The following SLC2A12 variants were observed in gnomAD, a reference collection of about 807,000 sequenced individuals.
The protein encoded by SLC2A12 is solute carrier family 2, facilitated glucose transporter member 12.
In SLC2A12, 23 loss-of-function variants were observed where a neutral mutation model predicts 41.8. The observed-to-expected ratio is 0.55, with a 90% CI of 0.40 to 0.78. The LOEUF (loss-of-function observed/expected upper bound fraction) is 0.78, where lower values mean the gene tolerates loss of function less well. Among genes scored for constraint, SLC2A12 ranks in the 30% least tolerant of loss-of-function variants. The probability of loss-of-function intolerance (pLI) is 0.00; values close to 1 mark genes in which losing one functional copy is unlikely to be tolerated. For missense variants in SLC2A12, 654 were observed against 745.6 expected (o/e 0.88, Z 1.43); for synonymous variants, 295 against 285.9 (o/e 1.03, Z -0.32).
chr6:134,037,513 C>T (rs1230808553), intron 1 of SLC2A12, among the ~76,000 whole-genome samples: 1 of 151,970 alleles, frequency 6.6e-6, no homozygotes, highest in Admixed American at 6.6e-5. Context: ...CACCACCATA[C>T]CTGGGTAATT....
rs1182572567 is a variant in SLC2A12, at chr6:134,006,176, G to GAAAAAAAAAAAAAAA, written c.1567+621_1567+635dup. Among the ~76,000 whole-genome samples, 16 of 61,772 alleles carry GAAAAAAAAAAAAAAA rather than the reference G, an allele frequency of 2.6e-4. 1 individual carries two copies. Among genetic ancestry groups the GAAAAAAAAAAAAAAA allele is most frequent in the Admixed American group, 6.6e-4 (3 of 4,524 alleles). 40.5% of individuals were successfully genotyped at this position (61,772 alleles called of 152,430 possible). On this transcript the variant is annotated intron_variant, in intron 3 of 4. Transcript: ENST00000275230. ...CCTGGGCAACAGAGAGAGACTATCGGAAAAAAAAAAAAAAAACAAAAAAAA... is the reference window on the plus strand; with the variant it reads ...CCTGGGCAACAGAGAGAGACTATCGGAAAAAAAAAAAAAAAAAAAAAAAAAAAAAAACAAAAAAAA...
chr6:134,028,496 G>C lies in SLC2A12; in HGVS notation c.1329C>G (p.Ser443Arg). ...TSASLLNAGL[S>R]HTEYQIVTDP... ...CTGTGACTATCTGGTATTCAGTGTG[G>C]CTTAATCCAGCATTTAGCAAGGATG... is the stretch of plus-strand genomic sequence containing the variant. The change falls in exon 2 of 5, where the codon AGC becomes AGG. Residue 443 changes from serine (S) to arginine (R), a missense_variant. Ser to Arg is a moderately radical substitution (Grantham distance 110). Around this residue, in one of 3 missense-constraint regions of SLC2A12, gnomAD observed 411 missense variants for 412.1 expected, o/e 1.00. Coordinates refer to ENST00000275230, the MANE Select transcript of SLC2A12 (RefSeq NM_145176.3). 1 of 1,614,160 alleles carries C rather than the reference G, an allele frequency of 6.2e-7. No homozygotes were observed.
chr6:134,048,542 C>T (rs1773613203), intron 1 of SLC2A12, among the ~76,000 whole-genome samples: 1 of 152,174 alleles, frequency 6.6e-6, no homozygotes, highest in Non-Finnish European at 1.5e-5. Flanking sequence ...TTACTCCAGC[C>T]TAGGTGACAG....
At chr6:134,003,034 GAAC>G (rs1266309108) in intron 3 of SLC2A12, among the ~76,000 whole-genome samples, 2 of 152,154 alleles carry the variant, frequency 1.3e-5, no homozygotes, top group African/African-American at 4.8e-5. Flanking sequence ...AGTCAACTAC[GAAC>G]AACAAGATTT....
At chr6:134,036,129 C>T (rs900753708) in intron 1 of SLC2A12, among the ~76,000 whole-genome samples, 7 of 152,204 alleles carry the variant, frequency 4.6e-5, no homozygotes, top group African/African-American at 1.2e-4. Context: ...CTGACTAAAT[C>T]CTACAGCCAG....
rs1418721089 is a variant in SLC2A12 at position 134,028,955 on chromosome 6, T to C, written c.870A>G (p.Gln290=). 5.0e-6 allele frequency: 8 copies of C among 1,614,262 alleles called. No individual in the cohort carries two copies. The South Asian group carries it at 6.6e-5, about 13-fold the overall frequency. Residue 290 remains glutamine (Q), a synonymous_variant, in exon 2 of 5, where the codon CAA becomes CAG. Transcript: ENST00000275230. ...ACAATATGTTTGGTTGGCCAGTGAT[T>C]TGTACAAAAAATACTAGTGTTAGTC... The part of the protein sequence containing the change: ...MIGLTLVFFV[Q]ITGQPNILFY...
chr6:133,998,686 G>A (rs529551565), intron 4 of SLC2A12, among the ~76,000 whole-genome samples: 126 of 152,274 alleles, frequency 8.3e-4, no homozygotes, highest in African/African-American at 2.9e-3. Context: ...GACTACAGGC[G>A]CAAGCCACCA....
At chr6:134,043,944 G>A (rs1455985560) in intron 1 of SLC2A12, among the ~76,000 whole-genome samples, 1 of 152,108 alleles carries the variant, frequency 6.6e-6, no homozygotes. Context: ...GCCAGCTTCA[G>A]ATTCCTTTGT....
intron 1 of SLC2A12, among the ~76,000 whole-genome samples, chr6:134,038,985 G>C (rs145430143): frequency 6.6e-6 from 1 of 152,060 alleles, no homozygotes. Flanking sequence ...GATTACAGGC[G>C]TGAGCTATCG....
chr6:134,011,195 G>A (rs144888810), intron 2 of SLC2A12, among the ~76,000 whole-genome samples: 240 of 152,190 alleles, frequency 1.6e-3, no homozygotes, highest in African/African-American at 5.4e-3. Flanking sequence ...CTTTGTAAGC[G>A]GCACACCTAC....
Position 133,988,100 on chromosome 6 carries a change from C to G in SLC2A12, c.*3055G>C, listed in dbSNP as rs2114401917. 1 of 152,156 alleles carries G rather than the reference C, an allele frequency of 6.6e-6. No homozygotes were observed. The highest frequency in any genetic ancestry group is 1.9e-4 in the East Asian group (1 of 5,194). The allele number at this position is 152,156 out of a possible 1,614,324, so 9.4% of individuals were successfully genotyped here. A position where few individuals can be genotyped will look rare whatever the true frequency, so the allele number is the denominator to read the frequency against. On this transcript the variant is annotated 3_prime_UTR_variant, in exon 5 of 5. Coordinates refer to ENST00000275230, the MANE Select transcript of SLC2A12 (RefSeq NM_145176.3). Reference sequence around the variant, plus strand: ...TTAACAAGAAGTGCCCATAAGCTGCCTCTGTGCCACAGTGTAATTATCAAA... The same window carrying G: ...TTAACAAGAAGTGCCCATAAGCTGCGTCTGTGCCACAGTGTAATTATCAAA...
intron 1 of SLC2A12, among the ~76,000 whole-genome samples, chr6:134,050,221 T>C (rs897888552): frequency 1.3e-5 from 2 of 152,208 alleles, no homozygotes; most frequent in African/African-American, 4.8e-5. Context: ...GTATAATTGC[T>C]TTTGGGTGCC....
chr6:133,997,787 C>T (rs1321209226), intron 4 of SLC2A12, among the ~76,000 whole-genome samples: 3 of 152,096 alleles, frequency 2.0e-5, no homozygotes, highest in Non-Finnish European at 4.4e-5. Flanking sequence ...CACATGTAGC[C>T]TCTGATTCTA....
rs1773705235 is a variant in SLC2A12 at position 134,052,469 on chromosome 6, A to C, written c.12T>G (p.Val4=). 6.2e-7 allele frequency: 1 copy of C among 1,613,140 alleles called. No homozygotes were observed. The highest frequency in any genetic ancestry group is 1.7e-5 in the Admixed American group (1 of 60,012). Residue 4 remains valine, a synonymous_variant, in exon 1 of 5, where the codon GTT becomes GTG. Coordinates refer to ENST00000275230, the MANE Select transcript of SLC2A12 (RefSeq NM_145176.3). MVP[V]ENTEGPSLLN... ...GCAGACTGGGGCCCTCGGTGTTTTC[A>C]ACAGGTACCATGGTCACGTAGAAGT... is the stretch of plus-strand genomic sequence containing the variant.
intron 1 of SLC2A12, among the ~76,000 whole-genome samples, chr6:134,050,779 T>C (rs1023497815): frequency 6.6e-6 from 1 of 152,186 alleles, no homozygotes; most frequent in African/African-American, 2.4e-5. Flanking sequence ...ACTTTGCAAC[T>C]CTTTCCCTTT....
chr6:134,022,422 T>C (rs1480804436), intron 2 of SLC2A12, among the ~76,000 whole-genome samples: 1 of 151,914 alleles, frequency 6.6e-6, no homozygotes, highest in Non-Finnish European at 1.5e-5. Context: ...TCCCAGCTAC[T>C]TGGGAGGCTG....
At position 133,990,667 on chromosome 6, in the gene SLC2A12, A is replaced by G. The variant is rs1254892051; in HGVS notation, c.*488T>C. The G allele has an allele frequency of 6.6e-6, 1 of 152,446 alleles. No individual in the cohort carries two copies. The highest frequency in any genetic ancestry group is 1.5e-5 in the Non-Finnish European group (1 of 68,250). 9.4% of individuals were successfully genotyped at this position (152,446 alleles called of 1,614,324 possible). On this transcript the variant is annotated 3_prime_UTR_variant, in exon 5 of 5. Transcript: ENST00000275230. ...CCCTCTCCTAATCTAGATAGAATAT[A>G]TGGGCAGTTGTCCACACTGTGTGTT...
intron 1 of SLC2A12, among the ~76,000 whole-genome samples, chr6:134,041,388 C>A (rs925868720): frequency 6.6e-6 from 1 of 151,952 alleles, no homozygotes; most frequent in African/African-American, 2.4e-5. Flanking sequence ...GGAGGCAAGG[C>A]AGGAGGATTG....
chr6:134,008,505 C>T (rs1007687950), intron 2 of SLC2A12, among the ~76,000 whole-genome samples: 2 of 152,178 alleles, frequency 1.3e-5, no homozygotes, highest in South Asian at 2.1e-4. Context: ...ACTCTCACCT[C>T]ACCTGTCTTC....
Sources: allele counts gnomAD v4.1 joint callset (sites outside exome capture counted in the v4.1 genomes callset), GRCh38; gene constraint gnomAD v4.1.1; regional missense constraint gnomAD v4.1.1; transcripts MANE v1.5; gene names NCBI Gene and HGNC (gene_info 2026-07-23, HGNC 2026-07-21).